LAMC2: variants seen among roughly 807,000 people sequenced by gnomAD.
The protein encoded by LAMC2 is laminin subunit gamma-2.
A neutral mutation model predicts 140.2 loss-of-function variants in LAMC2; 97 were observed. The ratio of observed to expected loss-of-function variants is 0.69; its 90% CI spans 0.59 to 0.82. The LOEUF (loss-of-function observed/expected upper bound fraction) is 0.82, where lower values mean the gene tolerates loss of function less well. LAMC2 is among the 40% of genes least tolerant of loss of function. The pLI, the probability that LAMC2 is intolerant of heterozygous loss-of-function variation, is 0.00. For synonymous variants in LAMC2, 513 were observed against 540.2 expected, an observed-to-expected ratio of 0.95 and a Z score of 0.70; for missense variants, 1,402 against 1,476.1, an observed-to-expected ratio of 0.95 and a Z score of 0.82.
chr1:183,227,189 G>A (rs1366150884), intron 9 of LAMC2, among the ~76,000 whole-genome samples: 1 of 152,192 alleles, frequency 6.6e-6, no homozygotes, highest in Non-Finnish European at 1.5e-5. Flanking sequence ...TCCAAGAATT[G>A]TGTGGGGAGA....
At chr1:183,245,252 G>A (rs1166450770), downstream of LAMC2, among the ~76,000 whole-genome samples, 2 of 152,216 alleles carry the variant, frequency 1.3e-5, no homozygotes, top group Admixed American at 6.5e-5. Context: ...AAGTTAAAAT[G>A]TACTAAATTA....
intron 1 of LAMC2, among the ~76,000 whole-genome samples, chr1:183,195,256 C>A (rs1424982699): frequency 6.6e-6 from 1 of 152,012 alleles, no homozygotes; most frequent in East Asian, 1.9e-4. Flanking sequence ...CCTCACCAGG[C>A]TGAGTCATCT....
chr1:183,201,237 T>C (rs1045134594), intron 1 of LAMC2, among the ~76,000 whole-genome samples: 4 of 152,156 alleles, frequency 2.6e-5, no homozygotes, highest in Non-Finnish European at 5.9e-5. Flanking sequence ...GAGAGAAACC[T>C]GCTTGTTTTG....
Position 183,208,983 on chromosome 1 carries a change from GT to G in LAMC2, c.268+931del, listed in dbSNP as rs78166475. Among the ~76,000 whole-genome samples, 1,241 of 129,832 alleles carry G rather than the reference GT, an allele frequency of 9.6e-3. 10 individuals carry two copies. Among genetic ancestry groups the G allele is most frequent in the Admixed American group, 0.017 (226 of 13,054 alleles). The allele number at this position is 129,832 out of a possible 152,430, so 85.2% of individuals were successfully genotyped here. A position where few individuals can be genotyped will look rare whatever the true frequency, so the allele number is the denominator to read the frequency against. ...TGTGAGCCACCGCGCCTGGCTAGTT[GT>G]TTTTTTTTTTTTTTTTAAAGTATCC... is the stretch of plus-strand genomic sequence containing the variant. On this transcript the variant is annotated intron_variant, in intron 2 of 22. Coordinates refer to ENST00000264144, the MANE Select transcript of LAMC2 (RefSeq NM_005562.3).
At chr1:183,198,360 G>T (rs897825243) in intron 1 of LAMC2, among the ~76,000 whole-genome samples, 4 of 152,008 alleles carry the variant, frequency 2.6e-5, no homozygotes, top group Middle Eastern at 3.2e-3. Context: ...GGCCATGATG[G>T]TCTTGACCTC....
the LAMC2 span, among the ~76,000 whole-genome samples, chr1:183,252,912 G>A: frequency 6.6e-6 from 1 of 152,280 alleles, no homozygotes; most frequent in South Asian, 2.1e-4. Flanking sequence ...TCCCCACCTT[G>A]GTGACATCAT....
intron 22 of LAMC2, among the ~76,000 whole-genome samples, 178 bp from the exon 23 acceptor site, chr1:183,242,969 C>T (rs996083923): frequency 5.3e-5 from 8 of 152,084 alleles, no homozygotes; most frequent in Non-Finnish European, 1.2e-4. Context: ...TAGGCTAGCC[C>T]TCTCAGAACT....
intron 1 of LAMC2, among the ~76,000 whole-genome samples, chr1:183,191,166 C>A (rs1360049578): frequency 6.6e-6 from 1 of 150,772 alleles, no homozygotes; most frequent in Non-Finnish European, 1.5e-5. Flanking sequence ...CTATAATATG[C>A]AAGATTTTGA....
intron 3 of LAMC2, among the ~76,000 whole-genome samples, chr1:183,217,408 C>G (rs1286352657): frequency 6.6e-6 from 1 of 152,100 alleles, no homozygotes; most frequent in Non-Finnish European, 1.5e-5. Context: ...CCAGCAATCC[C>G]AGCAATTCCA....
intron 7 of LAMC2, among the ~76,000 whole-genome samples, chr1:183,224,431 G>A (rs963729690): frequency 6.6e-6 from 1 of 152,180 alleles, no homozygotes; most frequent in Non-Finnish European, 1.5e-5. Context: ...CAGAGCCATT[G>A]AGAGATTGTT....
At chr1:183,200,397 A>AT (rs1292658828) in intron 1 of LAMC2, among the ~76,000 whole-genome samples, 4 of 152,020 alleles carry the variant, frequency 2.6e-5, no homozygotes, top group Non-Finnish European at 5.9e-5. Context: ...TTCAAAAAAA[A>AT]AAAGAACATT....
chr1:183,232,042 T>C, intron 12 of LAMC2, 145 bp from the exon 13 acceptor site: 1 of 946,216 alleles, frequency 1.1e-6, no homozygotes, highest in Non-Finnish European at 1.7e-6. Context: ...AAGGACTCTC[T>C]AGGCTCCAGG....
chr1:183,205,584 G>A lies in LAMC2; in HGVS notation c.80-2297G>A, dbSNP rs142768313. On this transcript the variant is annotated intron_variant, in intron 1 of 22. Coordinates refer to ENST00000264144, the MANE Select transcript of LAMC2 (RefSeq NM_005562.3). ...GAAATTAGAATTTGTTCCTAGGATG[G>A]TAGTCAAGAAGAATCTAGAAATTAT... 4.7e-3 allele frequency among the ~76,000 whole-genome samples: 717 copies of A among 152,270 alleles called. 6 individuals are homozygous for A. Among genetic ancestry groups the A allele is most frequent in the African/African-American group, 0.015 (608 of 41,554 alleles).
At chr1:183,247,313 G>A (rs649954), downstream of LAMC2, among the ~76,000 whole-genome samples, 42,893 of 151,826 alleles carry the variant, frequency 0.28, 7,540 homozygotes, top group African/African-American at 0.49. Context: ...ACTCTGTCTC[G>A]AAACAAAACA....
the LAMC2 span, among the ~76,000 whole-genome samples, chr1:183,254,127 G>A: frequency 1.3e-5 from 2 of 152,106 alleles, no homozygotes; most frequent in African/African-American, 2.4e-5. Flanking sequence ...TGGGTCATAT[G>A]ACAGTTCCGT....
chr1:183,201,540 C>T (rs1031326268), intron 1 of LAMC2, among the ~76,000 whole-genome samples: 1 of 152,194 alleles, frequency 6.6e-6, no homozygotes. Flanking sequence ...TGCACTGATT[C>T]CTGTTCAAGT....
chr1:183,218,473 G>C lies in LAMC2; in HGVS notation c.488G>C (p.Gly163Ala), dbSNP rs1246058135. 6.2e-7 allele frequency: 1 copy of C among 1,613,348 alleles called. No homozygotes were observed. The highest frequency in any genetic ancestry group is 1.1e-5 in the South Asian group (1 of 91,012). ...GRCVCKPAVT[G>A]ERCDRCRSGY... ...TGTGTCTGCAAGCCAGCTGTCACTG[G>C]AGAACGCTGTGATAGGTCTGTGTGA... The change falls in exon 4 of 23, where the codon GGA (glycine) becomes GCA (alanine). Residue 163 changes from glycine (G) to alanine (A), a missense_variant. By Grantham distance (60) the Gly-to-Ala change is moderately conservative (BLOSUM62 0). Transcript: ENST00000264144.
chr1:183,223,076 A>G (rs1194973182), intron 6 of LAMC2, 59 bp from the exon 7 acceptor site: 21 of 1,518,804 alleles, frequency 1.4e-5, no homozygotes, highest in Non-Finnish European at 1.9e-5. Context: ...GCAAACTTGC[A>G]TGTGTTTGCC....
chr1:183,202,107 T>C (rs147788300), intron 1 of LAMC2, among the ~76,000 whole-genome samples: 2,687 of 151,990 alleles, frequency 0.018, 71 homozygotes, highest in African/African-American at 0.06. Context: ...GGCATGAGAA[T>C]CGCTTGAACC....
Sources: allele counts gnomAD v4.1 joint callset (sites outside exome capture counted in the v4.1 genomes callset), GRCh38; gene constraint gnomAD v4.1.1; transcripts MANE v1.5; gene names NCBI Gene and HGNC (gene_info 2026-07-23, HGNC 2026-07-21).